Variants in HIF3A observed in about 807,000 individuals in gnomAD.
The protein encoded by HIF3A is hypoxia-inducible factor 3-alpha.
A neutral mutation model predicts 67.2 loss-of-function variants in HIF3A; 41 were observed. The observed-to-expected ratio is 0.61, with a 90% confidence interval of 0.48 to 0.79. The LOEUF is 0.79. Among genes scored for constraint, HIF3A ranks in the 30% least tolerant of loss-of-function variants. The pLI, the probability that HIF3A is intolerant of heterozygous loss-of-function variation, is 0.00. For synonymous variants in HIF3A, 356 were observed against 374.8 expected, an observed-to-expected ratio of 0.95 and a Z score of 0.58; for missense variants, 855 against 898.0, an observed-to-expected ratio of 0.95 and a Z score of 0.61.
At position 46,320,424 on chromosome 19, in the gene HIF3A, T is replaced by G; in HGVS notation, c.1026-19T>G. On this transcript the variant is annotated intron_variant, in intron 8 of 14. Coordinates refer to ENST00000377670, the MANE Select transcript of HIF3A (RefSeq NM_152795.4). ...GGACCCTCCCTGACTCCCACCTCCC[T>G]TTCTGCCTTGTACCCCAGCCAGGTG... 6.2e-7 allele frequency: 1 copy of G among 1,600,760 alleles called. No homozygotes were observed.
chr19:46,328,684 A>G (rs921934006), intron 11 of HIF3A, among the ~76,000 whole-genome samples: 3 of 151,282 alleles, frequency 2.0e-5, no homozygotes, highest in African/African-American at 7.3e-5. Flanking sequence ...AGTCTTCTCA[A>G]TGTTCAGATT....
rs1324124703 is a variant in HIF3A, at chr19:46,297,490, C to A, written c.26+388C>A. ...ATTGATCCCTCTGGCCTCTGAACCC[C>A]CCAAAATTGAGGGTATTCTTTGCCA... On this transcript the variant is annotated intron_variant, in intron 1 of 14. Coordinates refer to ENST00000377670, the MANE Select transcript of HIF3A (RefSeq NM_152795.4). This position sits in a 1 kb window ranked among gnomAD's most constrained non-coding sequence, Gnocchi z 4.5. Among the ~76,000 whole-genome samples the A allele has an allele frequency of 6.6e-6, 1 of 152,076 alleles. No homozygotes were observed. The highest frequency in any genetic ancestry group is 1.5e-5 in the Non-Finnish European group (1 of 68,002).
chr19:46,308,467 C>G lies in HIF3A; in HGVS notation c.448+162C>G. The G allele has an allele frequency of 6.3e-6, 4 of 639,570 alleles. No individual in the cohort carries two copies. The South Asian group carries it at 7.7e-5, about 12-fold the overall frequency. 39.6% of individuals were successfully genotyped at this position (639,570 alleles called of 1,614,324 possible). A position where few individuals can be genotyped will look rare whatever the true frequency, so the allele number is the denominator to read the frequency against. On this transcript the variant is annotated intron_variant, in intron 4 of 14. Transcript: ENST00000377670. ...GGTCTATGGGGACAAAGACCCTGCCCTGGGGGGGTCTGAGGGGACACAGCC... is the reference window on the plus strand; with the variant it reads ...GGTCTATGGGGACAAAGACCCTGCCGTGGGGGGGTCTGAGGGGACACAGCC...
intron 3 of HIF3A, 34 bp from the exon 4 acceptor site, chr19:46,308,187 C>T (rs1285576884): frequency 3.5e-6 from 5 of 1,412,614 alleles, no homozygotes; most frequent in Admixed American, 1.7e-5. Flanking sequence ...GGTCAGAAGC[C>T]CTGGTAGACC....
At chr19:46,326,722 C>A (rs933051343) in intron 11 of HIF3A, among the ~76,000 whole-genome samples, 1 of 152,082 alleles carries the variant, frequency 6.6e-6, no homozygotes, top group African/African-American at 2.4e-5. Flanking sequence ...CCCACATACT[C>A]AATATACAGT....
chr19:46,312,348 C>T, intron 7 of HIF3A, 81 bp downstream of exon 7: 1 of 1,611,310 alleles, frequency 6.2e-7, no homozygotes, highest in Non-Finnish European at 8.5e-7. Context: ...GCTCCCCATA[C>T]CCCAGGATGC....
rs947524350 is a variant in HIF3A at position 46,297,456 on chromosome 19, C to T, written c.26+354C>T. ...CCAGGCTTCTGCGGGAGATATTCGC[C>T]CTCCACATATTGATCCCTCTGGCCT... On this transcript the variant is annotated intron_variant, in intron 1 of 14. Transcript: ENST00000377670. The surrounding 1 kb of genome is among the most constrained non-coding windows in gnomAD (Gnocchi z 4.5). Among the ~76,000 whole-genome samples, 3 of 152,066 alleles carry T rather than the reference C, an allele frequency of 2.0e-5. No individual in the cohort carries two copies. The highest frequency in any genetic ancestry group is 2.0e-4 in the Admixed American group (3 of 15,276).
chr19:46,305,142 T>G, intron 2 of HIF3A, 103 bp from the exon 3 acceptor site: 1 of 1,543,698 alleles, frequency 6.5e-7, no homozygotes, highest in Non-Finnish European at 8.9e-7. Flanking sequence ...GCATGTAAGT[T>G]TCTCTGAATG....
rs76868440 is a variant in HIF3A, at chr19:46,339,967, G to A, written c.*345G>A. 0.049 allele frequency: 12,007 copies of A among 246,398 alleles called. 397 individuals are homozygous for A. Among genetic ancestry groups the A allele is most frequent in the Non-Finnish European group, 0.068 (8,780 of 129,770 alleles). The allele number at this position is 246,398 out of a possible 1,614,324, so 15.3% of individuals were successfully genotyped here. On this transcript the variant is annotated 3_prime_UTR_variant, in exon 15 of 15. Transcript: ENST00000377670. Reference sequence around the variant, plus strand: ...GGGGAATCAGGGGTGAGGAGGGTTGGGGGGGTCATATCTGTGTTTCCAGGT... The same window carrying A: ...GGGGAATCAGGGGTGAGGAGGGTTGAGGGGGTCATATCTGTGTTTCCAGGT...
intron 2 of HIF3A, 96 bp downstream of exon 2, chr19:46,304,184 C>G: frequency 2.7e-6 from 3 of 1,122,322 alleles, no homozygotes; most frequent in Non-Finnish European, 3.8e-6. Context: ...AAGCCTTATT[C>G]TGACAAAGCC....
intron 2 of HIF3A, 23 bp from the exon 3 acceptor site, chr19:46,305,222 C>A (rs768727143): frequency 1.2e-6 from 2 of 1,613,608 alleles, no homozygotes; most frequent in Non-Finnish European, 1.7e-6. Flanking sequence ...GAGATGCCCC[C>A]ATCCCCCTGC....
chr19:46,312,401 C>T (rs1375663367), intron 7 of HIF3A, 105 bp from the exon 8 acceptor site: 3 of 1,608,754 alleles, frequency 1.9e-6, no homozygotes, highest in Non-Finnish European at 1.7e-6. Flanking sequence ...TCCCCAAGCC[C>T]CAAGGAACTG....
intron 5 of HIF3A, 39 bp from the exon 6 acceptor site, chr19:46,309,112 A>G (rs1568509148): frequency 6.4e-7 from 1 of 1,564,270 alleles, no homozygotes. Flanking sequence ...TCTCAGGCCC[A>G]GAGGCACCAC....
At chr19:46,300,170 A>G (rs1380911602) in intron 1 of HIF3A, among the ~76,000 whole-genome samples, 1 of 152,164 alleles carries the variant, frequency 6.6e-6, no homozygotes, top group Non-Finnish European at 1.5e-5. Context: ...TGAGTGTTCA[A>G]CACACCAATG....
chr19:46,305,197 G>A, intron 2 of HIF3A, 48 bp from the exon 3 acceptor site: 1 of 1,612,614 alleles, frequency 6.2e-7, no homozygotes, highest in Non-Finnish European at 8.5e-7. Context: ...CCATAATTCA[G>A]ACCATAACTG....
intron 7 of HIF3A, 23 bp from the exon 8 acceptor site, chr19:46,312,483 T>C (rs148090058): frequency 0.023 from 37,769 of 1,612,846 alleles, 593 homozygotes; most frequent in Non-Finnish European, 0.025. Context: ...GTGGCCCTGA[T>C]CCCTCCCGAT....
At chr19:46,309,763 A>T (rs1417181690) in intron 6 of HIF3A, among the ~76,000 whole-genome samples, 1 of 152,036 alleles carries the variant, frequency 6.6e-6, no homozygotes, top group Non-Finnish European at 1.5e-5. Flanking sequence ...AGCAGTTAAT[A>T]TGGTGCCCAG....
rs1377089197 is a variant in HIF3A, at chr19:46,309,141, C to T, written c.562-10C>T. On this transcript the variant is annotated splice_polypyrimidine_tract_variant and intron_variant, in intron 5 of 14. Transcript: ENST00000377670. Reference sequence around the variant, plus strand: ...GCACCACTGCCTTGTCCCCTCATCTCGGCCCCCAGGTGCTGAACTGCTCTG... The same window carrying T: ...GCACCACTGCCTTGTCCCCTCATCTTGGCCCCCAGGTGCTGAACTGCTCTG... The T allele has an allele frequency of 3.7e-6, 6 of 1,607,784 alleles. No individual in the cohort carries two copies. Among genetic ancestry groups the T allele is most frequent in the Admixed American group, 1.7e-5 (1 of 59,630 alleles).
intron 13 of HIF3A, among the ~76,000 whole-genome samples, chr19:46,334,435 T>C (rs1226931036): frequency 6.6e-6 from 1 of 152,236 alleles, no homozygotes; most frequent in Non-Finnish European, 1.5e-5. Flanking sequence ...GGTCTCATTA[T>C]GTTGCCCAGG....
Sources: allele counts gnomAD v4.1 joint callset (sites outside exome capture counted in the v4.1 genomes callset), GRCh38; gene constraint gnomAD v4.1.1; non-coding constraint Gnocchi (gnomAD v3.1); transcripts MANE v1.5; gene names NCBI Gene and HGNC (gene_info 2026-07-23, HGNC 2026-07-21).